MRE11: variants seen among roughly 807,000 people sequenced by gnomAD.
MRE11 encodes the protein MRE11 double strand break repair nuclease, also known as double-strand break repair protein MRE11.
Under a neutral mutation model 91.7 loss-of-function variants are expected in MRE11, and 62 were observed. The ratio of observed to expected loss-of-function variants is 0.68; its 90% confidence interval spans 0.55 to 0.84. MRE11 has a LOEUF of 0.84. Among genes scored for constraint, MRE11 ranks in the 40% least tolerant of loss-of-function variants. The pLI is 0.00. For synonymous variants in MRE11, 273 were observed against 271.4 expected (o/e 1.01, Z -0.06); for missense variants, 796 against 852.9 (o/e 0.93, Z 0.83).
At chr11:94,436,081 T>C (rs906197236) in intron 17 of MRE11, among the ~76,000 whole-genome samples, 182 bp from the exon 18 acceptor site, 18 of 152,248 alleles carry the variant, frequency 1.2e-4, no homozygotes, top group African/African-American at 4.3e-4. Flanking sequence ...TCCCTCTTCA[T>C]TCACAAATGT....
chr11:94,427,503 C>T (rs1415323115), intron 19 of MRE11, among the ~76,000 whole-genome samples: 2 of 152,196 alleles, frequency 1.3e-5, no homozygotes, highest in African/African-American at 4.8e-5. Flanking sequence ...TGCCCACTCT[C>T]ACCACTCCTA....
At chr11:94,487,283 T>C (rs1238724580) in intron 3 of MRE11, among the ~76,000 whole-genome samples, 1 of 152,230 alleles carries the variant, frequency 6.6e-6, no homozygotes, top group Admixed American at 6.5e-5. Flanking sequence ...TTTGCCATCA[T>C]TCAAACATTT....
the MRE11 span, among the ~76,000 whole-genome samples, chr11:94,501,870 T>C: frequency 6.6e-6 from 1 of 152,226 alleles, no homozygotes; most frequent in African/African-American, 2.4e-5. Context: ...ATTTATTTTG[T>C]CAATTTCTTT....
intron 2 of MRE11, among the ~76,000 whole-genome samples, chr11:94,491,959 TTC>T (rs1430791761): frequency 6.6e-6 from 1 of 152,196 alleles, no homozygotes; most frequent in East Asian, 1.9e-4. Context: ...TTCTCATGAA[TTC>T]TCTCATTTAA....
intron 18 of MRE11, among the ~76,000 whole-genome samples, chr11:94,432,900 T>C (rs980208825): frequency 6.6e-6 from 1 of 152,262 alleles, no homozygotes; most frequent in Non-Finnish European, 1.5e-5. Flanking sequence ...CTTCCCTTCA[T>C]GTAAGTTTCT....
intron 3 of MRE11, among the ~76,000 whole-genome samples, chr11:94,490,162 C>T (rs1947249508): frequency 6.6e-6 from 1 of 152,186 alleles, no homozygotes; most frequent in African/African-American, 2.4e-5. Flanking sequence ...TTGAAGTCCT[C>T]ATTAATGCAG....
intron 4 of MRE11, among the ~76,000 whole-genome samples, chr11:94,484,379 T>C (rs1484433577): frequency 1.3e-5 from 2 of 152,210 alleles, no homozygotes; most frequent in African/African-American, 2.4e-5. Context: ...GATCCACTGA[T>C]GAATCTAAAA....
rs370709772 is a variant in MRE11, at chr11:94,478,847, T to C, written c.432A>G (p.Leu144=). The change falls in exon 6 of 20, where the codon TTA becomes TTG. Residue 144 remains leucine, a synonymous_variant. Transcript: ENST00000323929. ...AGTGATTTACAAATCCAGCACAACT[T>C]AAAATGTCCAAGGCACAAAGTGCAT... ...GADALCALDI[L]SCAGFVNHFG... The C allele has an allele frequency of 3.1e-6, 5 of 1,613,686 alleles. No individual in the cohort carries two copies. The African/African-American group carries it at 6.7e-5, about 22-fold the overall frequency.
intron 16 of MRE11, among the ~76,000 whole-genome samples, chr11:94,437,876 G>A (rs1056860140): frequency 6.6e-6 from 1 of 152,264 alleles, no homozygotes; most frequent in African/African-American, 2.4e-5. Flanking sequence ...TGTAATCCCA[G>A]TGCTTTGGGA....
intron 4 of MRE11, among the ~76,000 whole-genome samples, chr11:94,484,711 T>C (rs1947094435): frequency 6.6e-6 from 1 of 152,190 alleles, no homozygotes; most frequent in Non-Finnish European, 1.5e-5. Flanking sequence ...ACTTCACTTC[T>C]TGAATATTCT....
Position 94,418,041 on chromosome 11 carries a change from G to C in MRE11, c.*2084C>G, listed in dbSNP as rs1281016721. On this transcript the variant is annotated 3_prime_UTR_variant, in exon 20 of 20. Coordinates refer to ENST00000323929, the MANE Select transcript of MRE11 (RefSeq NM_005591.4). The stretch of plus-strand genomic sequence containing the variant: ...CCCAAAGCCTCCAAGAGCAAATGCA[G>C]CTGCTTTCAAATCATCTGAAAGACT... 3 of 233,060 alleles carry C rather than the reference G, an allele frequency of 1.3e-5. No homozygotes were observed. The highest frequency in any genetic ancestry group is 1.8e-4 in the South Asian group (1 of 5,520). The allele number at this position is 233,060 out of a possible 1,614,324, so 14.4% of individuals were successfully genotyped here.
rs786202801 is a variant in MRE11, at chr11:94,429,909, A to T, written c.2070+2T>A. 18 of 1,610,228 alleles carry T rather than the reference A, an allele frequency of 1.1e-5. No individual in the cohort carries two copies. Among genetic ancestry groups the T allele is most frequent in the Admixed American group, 1.7e-5 (1 of 59,988 alleles). On this transcript the variant is annotated splice_donor_variant, in intron 19 of 19. Transcript: ENST00000323929. LOFTEE classifies it high-confidence loss of function. ...TAAAATTTAACAATATTACTTATTT[A>T]CCTCACTTGATTCAAAATCAACCCC...
At chr11:94,507,961 T>A in the MRE11 span, among the ~76,000 whole-genome samples, 7 of 152,284 alleles carry the variant, frequency 4.6e-5, no homozygotes, top group Admixed American at 1.3e-4. Context: ...GAGAATATCT[T>A]AATTTTATTT....
At chr11:94,468,022 A>C (rs1439039758) in intron 9 of MRE11, 129 bp from the exon 10 acceptor site, 1 of 718,040 alleles carries the variant, frequency 1.4e-6, no homozygotes, top group Non-Finnish European at 2.5e-6. Flanking sequence ...CATTTATGAC[A>C]CCTTTTCAAA....
chr11:94,470,674 A>G (rs1190515830), intron 8 of MRE11, 32 bp from the exon 9 acceptor site: 8 of 1,609,636 alleles, frequency 5.0e-6, no homozygotes, highest in Non-Finnish European at 6.8e-6. Flanking sequence ...ACCGAGTCAC[A>G]GTGTAAATTT....
chr11:94,421,473 G>T (rs936639681), intron 19 of MRE11, among the ~76,000 whole-genome samples: 4 of 152,192 alleles, frequency 2.6e-5, no homozygotes, highest in Non-Finnish European at 4.4e-5. Context: ...TAGATAATTT[G>T]CTAATAGTTT....
the MRE11 span, among the ~76,000 whole-genome samples, chr11:94,504,997 G>C: frequency 2.6e-5 from 4 of 152,098 alleles, no homozygotes; most frequent in Admixed American, 6.5e-5. Flanking sequence ...CTATCACCCA[G>C]TGATGTGGTA....
rs1554996391 is a variant in MRE11, at chr11:94,419,465, G to GGAGAGGGAGAGA, written c.*659_*660insTCTCTCCCTCTC. 67 of 216,428 alleles carry GGAGAGGGAGAGA rather than the reference G, an allele frequency of 3.1e-4. No individual in the cohort carries two copies. Among genetic ancestry groups the GGAGAGGGAGAGA allele is most frequent in the African/African-American group, 1.4e-3 (59 of 40,704 alleles). The allele number at this position is 216,428 out of a possible 1,614,324, so 13.4% of individuals were successfully genotyped here. The stretch of plus-strand genomic sequence containing the variant: ...GAAGAGTGGGGAACGGGGGGGAGAG[G>GGAGAGGGAGAGA]GAGAGAGAGAGAGAGAGAGAGAGAG... On this transcript the variant is annotated 3_prime_UTR_variant, in exon 20 of 20. Coordinates refer to ENST00000323929, the MANE Select transcript of MRE11 (RefSeq NM_005591.4).
At chr11:94,484,143 A>G (rs982051339) in intron 4 of MRE11, among the ~76,000 whole-genome samples, 5 of 152,202 alleles carry the variant, frequency 3.3e-5, no homozygotes, top group Admixed American at 2.6e-4. Flanking sequence ...AAGGAGCCCA[A>G]TGGCTAAAGC....
Sources: allele counts gnomAD v4.1 joint callset (sites outside exome capture counted in the v4.1 genomes callset), GRCh38; gene constraint gnomAD v4.1.1; transcripts MANE v1.5; gene names NCBI Gene and HGNC (gene_info 2026-07-23, HGNC 2026-07-21).